The following CEP112 variants were observed in gnomAD, a reference collection of about 807,000 sequenced individuals.
The protein encoded by CEP112 is centrosomal protein 112.
Under a neutral mutation model 153.0 loss-of-function variants are expected in CEP112, and 127 were observed. That is an observed-to-expected ratio of 0.83 (90% confidence interval 0.72 to 0.96). The LOEUF is 0.96. CEP112 is among the 40% of genes least tolerant of loss of function. CEP112 has a pLI of 0.00. For missense variants in CEP112, 1,089 were observed against 1,101.2 expected, an observed-to-expected ratio of 0.99 and a Z score of 0.16; for synonymous variants, 358 against 374.4, an observed-to-expected ratio of 0.96 and a Z score of 0.51.
At chr17:66,116,186 T>C (rs901156091) in intron 6 of CEP112, among the ~76,000 whole-genome samples, 1 of 152,240 alleles carries the variant, frequency 6.6e-6, no homozygotes, top group Non-Finnish European at 1.5e-5. Flanking sequence ...TGATGCATTT[T>C]ATATACCAGC....
At chr17:65,868,879 T>C (rs1377854661) in intron 20 of CEP112, among the ~76,000 whole-genome samples, 1 of 152,264 alleles carries the variant, frequency 6.6e-6, no homozygotes, top group East Asian at 1.9e-4. Context: ...ATAGTTATTT[T>C]ACAGGTGAGG....
At chr17:66,119,616 T>G (rs1445900772) in intron 6 of CEP112, among the ~76,000 whole-genome samples, 1 of 152,224 alleles carries the variant, frequency 6.6e-6, no homozygotes, top group African/African-American at 2.4e-5. Flanking sequence ...AATTTGTTTA[T>G]CCAGTCTCCA....
At chr17:65,886,891 T>C (rs1275475376) in intron 20 of CEP112, among the ~76,000 whole-genome samples, 1 of 152,114 alleles carries the variant, frequency 6.6e-6, no homozygotes, top group Non-Finnish European at 1.5e-5. Context: ...AATATAACAT[T>C]AATGCTTACT....
chr17:66,004,870 A>G (rs2064208016), intron 17 of CEP112, among the ~76,000 whole-genome samples: 1 of 152,222 alleles, frequency 6.6e-6, no homozygotes, highest in Non-Finnish European at 1.5e-5. Flanking sequence ...TCTGGGAGTT[A>G]GCTAGGTATA....
At chr17:65,834,457 CA>C (rs1259653941) in intron 21 of CEP112, among the ~76,000 whole-genome samples, 1 of 151,968 alleles carries the variant, frequency 6.6e-6, no homozygotes, top group Non-Finnish European at 1.5e-5. Context: ...ATGCATGTAA[CA>C]AAGGTCTAAT....
Position 65,869,256 on chromosome 17 carries a change from G to A in CEP112, c.2164-17222C>T, listed in dbSNP as rs1381728296. ...TTACCTTTAAAATGATTCAAAAATT[G>A]TTCTGAGAGCCAATAAGGCATATTT... On this transcript the variant is annotated intron_variant, in intron 20 of 26. Coordinates refer to ENST00000535342, the MANE Select transcript of CEP112 (RefSeq NM_001199165.4). Among the ~76,000 whole-genome samples the A allele has an allele frequency of 3.9e-5, 6 of 152,262 alleles. No individual in the cohort carries two copies. The East Asian group carries it at 1.2e-3, about 29-fold the overall frequency.
rs75219246 is a variant in CEP112, at chr17:66,064,215, G to A, written c.956-1134C>T. The stretch of plus-strand genomic sequence containing the variant: ...AACTTTTTATCCACAGGGCATAACA[G>A]TGCCACACAGGCAAGTGCTCAAAAA... On this transcript the variant is annotated intron_variant, in intron 10 of 26. Transcript: ENST00000535342. Among the ~76,000 whole-genome samples the A allele has an allele frequency of 6.2e-3, 944 of 152,284 alleles. 8 individuals carry two copies. The highest frequency in any genetic ancestry group is 0.022 in the African/African-American group (900 of 41,552).
intron 19 of CEP112, among the ~76,000 whole-genome samples, chr17:65,911,247 A>G (rs144120081): frequency 6.6e-6 from 1 of 152,344 alleles, no homozygotes; most frequent in East Asian, 1.9e-4. Context: ...GATTTAAATA[A>G]AAAGCTAAGT....
chr17:65,999,041 CAT>C (rs1242770074), intron 17 of CEP112, among the ~76,000 whole-genome samples: 4 of 151,948 alleles, frequency 2.6e-5, no homozygotes, highest in African/African-American at 9.7e-5. Flanking sequence ...ATTTTAATTA[CAT>C]GTTAATATGT....
chr17:65,810,188 G>A (rs1320797387), intron 21 of CEP112, among the ~76,000 whole-genome samples: 3 of 152,254 alleles, frequency 2.0e-5, no homozygotes, highest in African/African-American at 7.2e-5. Flanking sequence ...TGAAGACTCT[G>A]GTTACAAAGA....
chr17:66,112,111 T>TA (rs2069079341), intron 6 of CEP112, among the ~76,000 whole-genome samples: 1 of 151,512 alleles, frequency 6.6e-6, no homozygotes, highest in Non-Finnish European at 1.5e-5. Context: ...GCCAACATGG[T>TA]AAAACCCCAT....
chr17:66,129,835 A>C lies in CEP112; in HGVS notation c.565-12T>G. On this transcript the variant is annotated splice_polypyrimidine_tract_variant and intron_variant, in intron 5 of 26. Transcript: ENST00000535342. ...TTCGAATAAACTTCCTGAAATACAA[A>C]AGGGAAAAAGGAAGAGGAGAGGAAG... 3 of 1,551,376 alleles carry C rather than the reference A, an allele frequency of 1.9e-6. No homozygotes were observed. The highest frequency in any genetic ancestry group is 2.2e-5 in the East Asian group (1 of 44,458).
intron 19 of CEP112, among the ~76,000 whole-genome samples, chr17:65,925,268 T>C (rs1055261450): frequency 1.3e-5 from 2 of 152,240 alleles, no homozygotes; most frequent in Non-Finnish European, 2.9e-5. Flanking sequence ...CCTTCTGCCA[T>C]GATTGTGAGG....
At chr17:65,918,452 T>G (rs1029321188) in intron 19 of CEP112, among the ~76,000 whole-genome samples, 12 of 152,056 alleles carry the variant, frequency 7.9e-5, no homozygotes, top group African/African-American at 2.9e-4. Context: ...GTGTTTTTTG[T>G]TTTTTGTTTT....
intron 24 of CEP112, among the ~76,000 whole-genome samples, chr17:65,683,414 C>CA (rs1231308641): frequency 1.3e-5 from 2 of 152,064 alleles, no homozygotes; most frequent in African/African-American, 4.8e-5. Context: ...CAGCTGGCTG[C>CA]AAAAAAATAC....
Position 66,066,861 on chromosome 17 carries a change from T to C in CEP112, c.872A>G (p.Asn291Ser). 1 of 1,536,438 alleles carries C rather than the reference T, an allele frequency of 6.5e-7. No individual in the cohort carries two copies. Among genetic ancestry groups the C allele is most frequent in the Non-Finnish European group, 8.8e-7 (1 of 1,142,080 alleles). Residue 291 changes from asparagine (N) to serine (S), a missense_variant, in exon 10 of 27, where the codon AAT becomes AGT. Transcript: ENST00000535342. ...AGTTTTCAGTTCTTCTATTTCATTA[T>C]TCTTTCTTTCTAAAATCTGCAAATA... ...ADVQKILERK[N>S]NEIEELKTLY...
intron 6 of CEP112, among the ~76,000 whole-genome samples, chr17:66,124,058 T>C (rs772946385): frequency 1.3e-5 from 2 of 152,310 alleles, no homozygotes; most frequent in Non-Finnish European, 2.9e-5. Flanking sequence ...ACTATGTCAT[T>C]TGAGTCTGCC....
intron 6 of CEP112, among the ~76,000 whole-genome samples, chr17:66,112,422 T>A (rs1447500987): frequency 6.7e-6 from 1 of 148,378 alleles, no homozygotes; most frequent in Non-Finnish European, 1.5e-5. Flanking sequence ...TAAAATATGG[T>A]CAATATACTT....
chr17:65,736,070 G>A (rs2050787965), intron 23 of CEP112, among the ~76,000 whole-genome samples: 1 of 152,160 alleles, frequency 6.6e-6, no homozygotes, highest in South Asian at 2.1e-4. Context: ...GTTATTGGCA[G>A]TGATTCTAGA....
Sources: gnomAD v4.1 joint callset for allele counts (sites outside exome capture counted in the v4.1 genomes callset) on GRCh38, gnomAD v4.1.1 for gene constraint, MANE v1.5 for transcripts, NCBI Gene and HGNC (gene_info 2026-07-23, HGNC 2026-07-21) for gene names.